Variants in KATNIP observed in about 807,000 individuals in gnomAD.
KATNIP encodes katanin interacting protein.
A neutral mutation model predicts 174.0 loss-of-function variants in KATNIP; 126 were observed. That is an observed-to-expected ratio of 0.72 (90% CI 0.63 to 0.84). The LOEUF (loss-of-function observed/expected upper bound fraction) is 0.84, where lower values mean the gene tolerates loss of function less well. Ranked by LOEUF, KATNIP falls within the 40% of genes least tolerant of loss-of-function variation. The pLI is 0.00. For missense variants in KATNIP, 1,958 were observed against 2,109.7 expected, an observed-to-expected ratio of 0.93 and a Z score of 1.41; for synonymous variants, 810 against 835.7, an observed-to-expected ratio of 0.97 and a Z score of 0.53.
At chr16:27,745,587 A>G (rs1334503610) in intron 15 of KATNIP, among the ~76,000 whole-genome samples, 1 of 152,222 alleles carries the variant, frequency 6.6e-6, no homozygotes, top group African/African-American at 2.4e-5. Flanking sequence ...TGGCTCTGTG[A>G]TATCCCTCTA....
rs144900122 is a variant in KATNIP at position 27,677,841 on chromosome 16, A to G, written c.653A>G (p.Glu218Gly). 3 of 1,614,126 alleles carry G rather than the reference A, an allele frequency of 1.9e-6. No individual in the cohort carries two copies. In the African/African-American group the frequency reaches 4.0e-5, roughly 22 times the overall value. The change falls in exon 7 of 28, where the codon GAG (glutamate) becomes GGG (glycine). Residue 218 changes from glutamate to glycine, a missense_variant. Physicochemically the swap from Glu to Gly is moderately conservative, Grantham distance 98 (BLOSUM62 -2). This residue lies in a region of KATNIP where 1,557 missense variants were observed against 1,617.8 expected (regional missense o/e 0.96). Transcript: ENST00000261588. ...EEDILSEPEP[E>G]DPALVGHPRH... ...GACATACTCTCTGAGCCTGAGCCAGAGGACCCGGCACTGGTGGGCCATCCC... is the reference window on the plus strand; with the variant it reads ...GACATACTCTCTGAGCCTGAGCCAGGGGACCCGGCACTGGTGGGCCATCCC...
chr16:27,598,088 G>C (rs1187418921), intron 2 of KATNIP, among the ~76,000 whole-genome samples: 1 of 152,062 alleles, frequency 6.6e-6, no homozygotes, highest in Non-Finnish European at 1.5e-5. Flanking sequence ...AGTTAGCTGG[G>C]CGTGGTGGCG....
chr16:27,635,949 T>G (rs2076622662), intron 5 of KATNIP, among the ~76,000 whole-genome samples: 3 of 151,340 alleles, frequency 2.0e-5, no homozygotes, highest in Admixed American at 2.0e-4. Flanking sequence ...AGCTCAGGAG[T>G]TCAAGACCAC....
chr16:27,559,795 A>G (rs2089784525), intron 1 of KATNIP, among the ~76,000 whole-genome samples: 2 of 151,830 alleles, frequency 1.3e-5, no homozygotes, highest in South Asian at 4.2e-4. Flanking sequence ...AGCCTGGCCA[A>G]CATGGTGAAA....
At chr16:27,577,548 C>T (rs1481720432) in intron 2 of KATNIP, among the ~76,000 whole-genome samples, 4 of 151,316 alleles carry the variant, frequency 2.6e-5, no homozygotes, top group South Asian at 2.1e-4. Flanking sequence ...AAAAATTAGC[C>T]GGACGTGGTG....
At chr16:27,739,449 C>T (rs944328370) in intron 14 of KATNIP, among the ~76,000 whole-genome samples, 3 of 152,162 alleles carry the variant, frequency 2.0e-5, no homozygotes, top group Non-Finnish European at 1.5e-5. Context: ...ATCTTGCTTT[C>T]CCCATTTCCT....
chr16:27,735,803 A>C (rs2080875777), intron 14 of KATNIP, among the ~76,000 whole-genome samples: 1 of 152,178 alleles, frequency 6.6e-6, no homozygotes, highest in South Asian at 2.1e-4. Flanking sequence ...AGGGGTTAGT[A>C]TAGGTGAACA....
intron 8 of KATNIP, among the ~76,000 whole-genome samples, chr16:27,694,629 C>G (rs2078850689): frequency 1.3e-5 from 2 of 151,928 alleles, no homozygotes; most frequent in African/African-American, 4.8e-5. Context: ...AACCCCGTCT[C>G]TACAAAAAAT....
intron 16 of KATNIP, among the ~76,000 whole-genome samples, chr16:27,750,586 A>AT (rs2081472235): frequency 6.8e-6 from 1 of 147,444 alleles, no homozygotes; most frequent in African/African-American, 2.5e-5. Context: ...CGCCCGGCTA[A>AT]TTTTTTGTAT....
rs368480827 is a variant in KATNIP, at chr16:27,648,623, C to A, written c.428C>A (p.Thr143Lys). The A allele has an allele frequency of 6.2e-7, 1 of 1,614,186 alleles. No individual in the cohort carries two copies. The highest frequency in any genetic ancestry group is 2.2e-5 in the East Asian group (1 of 44,884). ...GWHQKSVQIR[T>K]EAGPRLHIEP... ...GTACAGAAATCTGTGCAGATCAGAACAGAAGCTGGCCCACGGCTCCACATC... is the reference window on the plus strand; with the variant it reads ...GTACAGAAATCTGTGCAGATCAGAAAAGAAGCTGGCCCACGGCTCCACATC... Residue 143 changes from threonine to lysine, a missense_variant, in exon 6 of 28, where the codon ACA (threonine) becomes AAA (lysine). Thr to Lys is a moderately conservative substitution (Grantham distance 78, BLOSUM62 -1). Coordinates refer to ENST00000261588, the MANE Select transcript of KATNIP (RefSeq NM_015202.5).
At chr16:27,775,142 T>G in intron 24 of KATNIP, 58 bp downstream of exon 24, 1 of 1,566,900 alleles carries the variant, frequency 6.4e-7, no homozygotes, top group Non-Finnish European at 8.6e-7. Flanking sequence ...AGGGGGACTT[T>G]CTTTCCCTGG....
Position 27,571,913 on chromosome 16 carries a change from C to G in KATNIP, c.8-1988C>G, listed in dbSNP as rs143366512. Among the ~76,000 whole-genome samples the G allele has an allele frequency of 5.0e-4, 76 of 152,304 alleles. No individual in the cohort carries two copies. The East Asian group carries it at 0.011, about 22-fold the overall frequency. Reference sequence around the variant, plus strand: ...GGAGCTGCTCATTCTAGCTCCTATCCCAGAGCAGCAAGCCTCAGGAGGTCC... The same window carrying G: ...GGAGCTGCTCATTCTAGCTCCTATCGCAGAGCAGCAAGCCTCAGGAGGTCC... On this transcript the variant is annotated intron_variant, in intron 1 of 27. Transcript: ENST00000261588.
chr16:27,772,057 G>A (rs145507583), intron 22 of KATNIP, among the ~76,000 whole-genome samples: 2 of 152,268 alleles, frequency 1.3e-5, no homozygotes, highest in East Asian at 3.9e-4. Context: ...AGGTTGGATT[G>A]CTTGGGGCCA....
chr16:27,592,270 C>CTTTTTTT (rs71137799), intron 2 of KATNIP, among the ~76,000 whole-genome samples: 4 of 44,822 alleles, frequency 8.9e-5, no homozygotes, highest in African/African-American at 2.8e-4. Flanking sequence ...GCATATATTA[C>CTTTTTTT]TTTTTTTTTT....
chr16:27,612,257 C>T (rs1344188185), intron 2 of KATNIP, among the ~76,000 whole-genome samples: 1 of 152,172 alleles, frequency 6.6e-6, no homozygotes, highest in Non-Finnish European at 1.5e-5. Context: ...ACAGGCATCA[C>T]CCCATCTTAT....
chr16:27,639,121 C>T (rs991991476), intron 5 of KATNIP, among the ~76,000 whole-genome samples: 4 of 152,194 alleles, frequency 2.6e-5, no homozygotes, highest in Non-Finnish European at 5.9e-5. Flanking sequence ...GGAGGGGCTG[C>T]GTCAGGTACA....
intron 18 of KATNIP, chr16:27,754,507 C>T: frequency 1.9e-6 from 1 of 517,096 alleles, no homozygotes; most frequent in Non-Finnish European, 3.5e-6. Flanking sequence ...TGCATGCAGA[C>T]ACCCTATGTG....
intron 5 of KATNIP, among the ~76,000 whole-genome samples, chr16:27,631,932 C>T (rs1183236045): frequency 6.6e-6 from 1 of 152,142 alleles, no homozygotes; most frequent in Non-Finnish European, 1.5e-5. Context: ...GGCTCAGCTC[C>T]CATGTAACTC....
At chr16:27,697,069 A>G (rs376065345) in intron 8 of KATNIP, among the ~76,000 whole-genome samples, 36 of 152,102 alleles carry the variant, frequency 2.4e-4, no homozygotes, top group African/African-American at 8.7e-4. Flanking sequence ...ATGGGCATTT[A>G]GGTTGATTCC....
Sources: allele counts gnomAD v4.1 joint callset (sites outside exome capture counted in the v4.1 genomes callset), GRCh38; gene constraint gnomAD v4.1.1; regional missense constraint gnomAD v4.1.1; transcripts MANE v1.5; gene names NCBI Gene and HGNC (gene_info 2026-07-23, HGNC 2026-07-21).